Variants in MYO1E observed in about 807,000 individuals in gnomAD.
MYO1E encodes the protein unconventional myosin-Ie.
Under a neutral mutation model 151.1 loss-of-function variants are expected in MYO1E, and 68 were observed. That is an observed-to-expected ratio of 0.45 (90% CI 0.37 to 0.55). The LOEUF (loss-of-function observed/expected upper bound fraction) is 0.55, where lower values mean the gene tolerates loss of function less well. Ranked by LOEUF, MYO1E falls within the 20% of genes least tolerant of loss-of-function variation. The pLI is 0.00. For synonymous variants in MYO1E, 601 were observed against 501.7 expected, an observed-to-expected ratio of 1.20 and a Z score of -2.64; for missense variants, 1,363 against 1,389.3, an observed-to-expected ratio of 0.98 and a Z score of 0.30.
chr15:59,277,564 A>AAAAC (rs2080328143), intron 1 of MYO1E, among the ~76,000 whole-genome samples: 3 of 139,794 alleles, frequency 2.1e-5, no homozygotes, highest in South Asian at 4.5e-4. Flanking sequence ...AAAAAAAAAA[A>AAAAC]AAAAAAAAAC....
intron 1 of MYO1E, among the ~76,000 whole-genome samples, chr15:59,318,358 C>A (rs1405826805): frequency 2.6e-5 from 4 of 152,118 alleles, no homozygotes; most frequent in Non-Finnish European, 5.9e-5. Flanking sequence ...TTGAGCCCAA[C>A]GGAGACTACC....
Position 59,267,073 on chromosome 15 carries a change from C to T in MYO1E, c.147+5233G>A, listed in dbSNP as rs550198681. Among the ~76,000 whole-genome samples, 31 of 117,226 alleles carry T rather than the reference C, an allele frequency of 2.6e-4. 1 individual carries two copies. Among genetic ancestry groups the T allele is most frequent in the South Asian group, 1.1e-3 (4 of 3,630 alleles). 76.9% of individuals were successfully genotyped at this position (117,226 alleles called of 152,430 possible). On this transcript the variant is annotated intron_variant, in intron 2 of 27. Transcript: ENST00000288235. ...GTGGAGTCTTGCTCTGTCACCAGGCCGGAGTGCAGTGGTGCAATCTCGGCT... is the reference window on the plus strand; with the variant it reads ...GTGGAGTCTTGCTCTGTCACCAGGCTGGAGTGCAGTGGTGCAATCTCGGCT...
At chr15:59,168,436 CT>C (rs1183287451) in intron 22 of MYO1E, among the ~76,000 whole-genome samples, 1 of 151,944 alleles carries the variant, frequency 6.6e-6, no homozygotes, top group Non-Finnish European at 1.5e-5. Context: ...GTCTCAGATA[CT>C]TAGGGGGCTG....
chr15:59,190,730 C>A (rs1205229589), intron 17 of MYO1E, among the ~76,000 whole-genome samples: 5 of 152,224 alleles, frequency 3.3e-5, no homozygotes, highest in African/African-American at 1.2e-4. Context: ...TAGACGAGTA[C>A]TTTCTATGGA....
At chr15:59,171,081 A>C (rs1022153568) in intron 22 of MYO1E, 3 of 155,878 alleles carry the variant, frequency 1.9e-5, no homozygotes, top group Non-Finnish European at 4.4e-5. Flanking sequence ...CCTTTCTTCC[A>C]TTCTTAGTCT....
At chr15:59,351,976 G>A (rs1370154873) in intron 1 of MYO1E, among the ~76,000 whole-genome samples, 1 of 152,302 alleles carries the variant, frequency 6.6e-6, no homozygotes, top group African/African-American at 2.4e-5. Flanking sequence ...TCTCTGGCCT[G>A]ACAAAATCTG....
At chr15:59,266,498 AC>A (rs1270513581) in intron 2 of MYO1E, among the ~76,000 whole-genome samples, 3 of 152,360 alleles carry the variant, frequency 2.0e-5, no homozygotes, top group Non-Finnish European at 4.4e-5. Flanking sequence ...TGACAAAAAA[AC>A]AAACAATGCA....
intron 1 of MYO1E, among the ~76,000 whole-genome samples, chr15:59,344,642 C>A (rs1284352606): frequency 5.9e-5 from 9 of 152,330 alleles, no homozygotes; most frequent in Admixed American, 3.3e-4. Context: ...GAACCAGGGT[C>A]TGGAGTCAGA....
chr15:59,287,898 GTGAA>G (rs1346589924), intron 1 of MYO1E, among the ~76,000 whole-genome samples: 5 of 152,228 alleles, frequency 3.3e-5, no homozygotes, highest in Non-Finnish European at 7.3e-5. Flanking sequence ...CAGAAAATGC[GTGAA>G]TGAATGATTA....
intron 26 of MYO1E, among the ~76,000 whole-genome samples, chr15:59,143,480 T>C (rs2079423056): frequency 6.6e-6 from 1 of 152,158 alleles, no homozygotes; most frequent in African/African-American, 2.4e-5. Context: ...GGGCGGCATA[T>C]TCCCAAAGCG....
At chr15:59,288,515 A>G (rs2080400652) in intron 1 of MYO1E, among the ~76,000 whole-genome samples, 1 of 152,164 alleles carries the variant, frequency 6.6e-6, no homozygotes, top group Admixed American at 6.5e-5. Flanking sequence ...GAGATAACGC[A>G]CAGAGATTTC....
At chr15:59,343,545 T>A (rs375130105) in intron 1 of MYO1E, among the ~76,000 whole-genome samples, 1 of 152,202 alleles carries the variant, frequency 6.6e-6, no homozygotes, top group South Asian at 2.1e-4. Flanking sequence ...TAAACTTTGA[T>A]ATCTTTTGTT....
intron 1 of MYO1E, among the ~76,000 whole-genome samples, chr15:59,328,629 G>A (rs190995910): frequency 6.6e-6 from 1 of 152,280 alleles, no homozygotes; most frequent in Admixed American, 6.5e-5. Context: ...GTGCAGAGAT[G>A]ACCCTGATCA....
intron 2 of MYO1E, among the ~76,000 whole-genome samples, chr15:59,264,501 C>G (rs1487837432): frequency 6.6e-6 from 1 of 152,068 alleles, no homozygotes; most frequent in African/African-American, 2.4e-5. Context: ...AAGTATGTTC[C>G]AAATAAGTAT....
At chr15:59,280,843 A>G (rs961440084) in intron 1 of MYO1E, among the ~76,000 whole-genome samples, 2 of 152,186 alleles carry the variant, frequency 1.3e-5, no homozygotes, top group Non-Finnish European at 2.9e-5. Context: ...TATTATAAAA[A>G]TTTTGATTAC....
At chr15:59,256,166 A>G in intron 4 of MYO1E, 118 bp downstream of exon 4, 1 of 750,000 alleles carries the variant, frequency 1.3e-6, no homozygotes, top group Non-Finnish European at 2.4e-6. Flanking sequence ...CTACTCAGAC[A>G]CATTAACCAG....
At chr15:59,141,641 TACAG>T (rs1366081011) in intron 26 of MYO1E, among the ~76,000 whole-genome samples, 1 of 150,926 alleles carries the variant, frequency 6.6e-6, no homozygotes, top group African/African-American at 2.4e-5. Context: ...CTACTGAAAA[TACAG>T]ACGGTAGCTG....
intron 2 of MYO1E, chr15:59,266,709 T>TGGA (rs1353887166): frequency 2.1e-5 from 3 of 144,258 alleles, no homozygotes; most frequent in Non-Finnish European, 4.5e-5. Context: ...GTCACCCGGA[T>TGGA]GGAGTGCAGT....
intron 26 of MYO1E, among the ~76,000 whole-genome samples, chr15:59,143,791 C>T (rs567572688): frequency 2.0e-5 from 3 of 152,354 alleles, no homozygotes; most frequent in South Asian, 2.1e-4. Flanking sequence ...TGGAATCTTT[C>T]TGGATCCTTG....
Sources: gnomAD v4.1 joint callset for allele counts (sites outside exome capture counted in the v4.1 genomes callset) on GRCh38, gnomAD v4.1.1 for gene constraint, MANE v1.5 for transcripts, NCBI Gene and HGNC (gene_info 2026-07-23, HGNC 2026-07-21) for gene names.